FGFR2: variants seen among roughly 807,000 people sequenced by gnomAD.
FGFR2 encodes the protein fibroblast growth factor receptor 2, also known as BEK fibroblast growth factor receptor.
In FGFR2, 19 loss-of-function variants were observed where a neutral mutation model predicts 95.9. That is an observed-to-expected ratio of 0.20 (90% confidence interval 0.14 to 0.29). The LOEUF (loss-of-function observed/expected upper bound fraction) is 0.29, where lower values mean the gene tolerates loss of function less well. Among genes scored for constraint, FGFR2 ranks in the 10% least tolerant of loss-of-function variants. The pLI, the probability that FGFR2 is intolerant of heterozygous loss-of-function variation, is 1.00. For synonymous variants in FGFR2, 392 were observed against 393.3 expected, an observed-to-expected ratio of 1.00 and a Z score of 0.04; for missense variants, 707 against 1,056.9, an observed-to-expected ratio of 0.67 and a Z score of 4.59.
At chr10:121,569,533 T>A (rs58433090) in intron 2 of FGFR2, among the ~76,000 whole-genome samples, 2,649 of 152,314 alleles carry the variant, frequency 0.017, 70 homozygotes, top group African/African-American at 0.061. Flanking sequence ...ACACTTGGAT[T>A]GCTATCTCCA....
chr10:121,503,868 G>A lies in FGFR2; in HGVS notation c.1361C>T (p.Thr454Met), dbSNP rs148672240. Reference protein sequence around the residue: ...LVRITTRLSSTADTPMLAGVS... With the variant: ...LVRITTRLSSMADTPMLAGVS... ...CCCTGCCAGCATGGGGGTGTCTGCCGTTGAAGAGAGGCGTGTTGTTATCCT... is the reference window on the plus strand; with the variant it reads ...CCCTGCCAGCATGGGGGTGTCTGCCATTGAAGAGAGGCGTGTTGTTATCCT... Residue 454 changes from threonine to methionine, a missense_variant, in exon 10 of 18, where the codon ACG becomes ATG. This residue lies in a region of FGFR2 where 194 missense variants were observed against 267.3 expected (regional missense o/e 0.73). Coordinates refer to ENST00000358487, the MANE Select transcript of FGFR2 (RefSeq NM_000141.5). 71 of 1,614,098 alleles carry A rather than the reference G, an allele frequency of 4.4e-5. No individual in the cohort carries two copies. Among genetic ancestry groups the A allele is most frequent in the African/African-American group, 3.9e-4 (29 of 75,030 alleles).
rs1306109318 is a variant in FGFR2 at position 121,586,574 on chromosome 10, G to A, written c.109+7135C>T. On this transcript the variant is annotated intron_variant, in intron 2 of 17. Transcript: ENST00000358487. ...GAATTACTTACAGTATTCCAAAGTG[G>A]AGTAAATTACACATTCAGCATCTGA... is the stretch of plus-strand genomic sequence containing the variant. Among the ~76,000 whole-genome samples, 3 of 152,320 alleles carry A rather than the reference G, an allele frequency of 2.0e-5. No homozygotes were observed. In the East Asian group the frequency reaches 5.8e-4, roughly 29 times the overall value.
At chr10:121,494,673 TG>T (rs1461017922) in intron 13 of FGFR2, among the ~76,000 whole-genome samples, 1 of 152,162 alleles carries the variant, frequency 6.6e-6, no homozygotes, top group Non-Finnish European at 1.5e-5. Flanking sequence ...AATCACTTGC[TG>T]TCTCCATGTC....
At chr10:121,589,197 C>T (rs752973423) in intron 2 of FGFR2, among the ~76,000 whole-genome samples, 2 of 152,202 alleles carry the variant, frequency 1.3e-5, no homozygotes, top group Non-Finnish European at 2.9e-5. Flanking sequence ...CCTTTAATGA[C>T]TAAAATTCGC....
At chr10:121,494,397 G>A (rs1846509590) in intron 13 of FGFR2, among the ~76,000 whole-genome samples, 1 of 152,130 alleles carries the variant, frequency 6.6e-6, no homozygotes, top group African/African-American at 2.4e-5. Flanking sequence ...TGCTCTAGGA[G>A]TAGATGTTGA....
At chr10:121,550,811 C>T (rs41302331) in intron 5 of FGFR2, among the ~76,000 whole-genome samples, 10 of 151,962 alleles carry the variant, frequency 6.6e-5, no homozygotes, top group Non-Finnish European at 1.2e-4. Context: ...CACGCAAGTC[C>T]GGGGTAATAT....
chr10:121,517,121 T>C lies in FGFR2; in HGVS notation c.1084+198A>G, dbSNP rs891579882. On this transcript the variant is annotated intron_variant, in intron 8 of 17. Coordinates refer to ENST00000358487, the MANE Select transcript of FGFR2 (RefSeq NM_000141.5). The surrounding 1 kb of genome is among the most constrained non-coding windows in gnomAD (Gnocchi z 4.7). The stretch of plus-strand genomic sequence containing the variant: ...GTTTTAAGGGTGAAATTTCCCTTGA[T>C]CATAAATGTGAGTGTGGGATCTCAC... 3 of 658,184 alleles carry C rather than the reference T, an allele frequency of 4.6e-6. No individual in the cohort carries two copies. In the Admixed American group the frequency reaches 7.5e-5, roughly 17 times the overall value. 40.8% of individuals were successfully genotyped at this position (658,184 alleles called of 1,614,324 possible). A position where few individuals can be genotyped will look rare whatever the true frequency, so the allele number is the denominator to read the frequency against.
At chr10:121,510,375 A>G (rs1405552472) in intron 9 of FGFR2, among the ~76,000 whole-genome samples, 1 of 152,158 alleles carries the variant, frequency 6.6e-6, no homozygotes, top group Non-Finnish European at 1.5e-5. Flanking sequence ...GAGAAAAGGG[A>G]GCAGCGAAAT....
At chr10:121,489,613 G>A (rs1302667754) in intron 13 of FGFR2, among the ~76,000 whole-genome samples, 2 of 152,148 alleles carry the variant, frequency 1.3e-5, no homozygotes, top group African/African-American at 4.8e-5. Flanking sequence ...ATTTTCAACT[G>A]TCTATGGGAC....
intron 17 of FGFR2, chr10:121,480,397 C>A (rs754576555): frequency 5.6e-6 from 2 of 354,360 alleles, no homozygotes; most frequent in Non-Finnish European, 1.1e-5. Context: ...CTAAATAACC[C>A]GCTGAGTCTA....
At chr10:121,493,472 G>A (rs763882331) in intron 13 of FGFR2, among the ~76,000 whole-genome samples, 1 of 152,102 alleles carries the variant, frequency 6.6e-6, no homozygotes, top group African/African-American at 2.4e-5. Flanking sequence ...TCTGAGCGCC[G>A]AGGCTCTACT....
At chr10:121,564,423 C>A in intron 4 of FGFR2, 79 bp downstream of exon 4, 1 of 1,327,542 alleles carries the variant, frequency 7.5e-7, no homozygotes, top group Non-Finnish European at 1.1e-6. Flanking sequence ...GCAGAAGAGT[C>A]GACAAGAAGA....
At chr10:121,508,903 C>A (rs1016791591) in intron 9 of FGFR2, among the ~76,000 whole-genome samples, 1 of 152,210 alleles carries the variant, frequency 6.6e-6, no homozygotes, top group Non-Finnish European at 1.5e-5. Flanking sequence ...ATACGGCTGG[C>A]TTTCTCTTCA....
rs1191257138 is a variant in FGFR2, at chr10:121,524,099, TATACACACACACACACACACACACAC to T, written c.749-3956_749-3931del. On this transcript the variant is annotated intron_variant, in intron 6 of 17. Coordinates refer to ENST00000358487, the MANE Select transcript of FGFR2 (RefSeq NM_000141.5). ...TTATTCCAATGCTATCCCGGCTATG[TATACACACACACACACACACACACAC>T]ACACACACACACACACACACACCCC... Among the ~76,000 whole-genome samples the T allele has an allele frequency of 7.2e-4, 99 of 137,288 alleles. 1 individual carries two copies. The South Asian group carries it at 0.022, about 31-fold the overall frequency. The allele number at this position is 137,288 out of a possible 152,430, so 90.1% of individuals were successfully genotyped here.
intron 4 of FGFR2, among the ~76,000 whole-genome samples, chr10:121,553,636 A>T (rs1205113490): frequency 6.6e-6 from 1 of 152,250 alleles, no homozygotes; most frequent in Non-Finnish European, 1.5e-5. Context: ...TCATTTGTTT[A>T]AGTAAACACA....
At chr10:121,581,799 G>A (rs1860949800) in intron 2 of FGFR2, among the ~76,000 whole-genome samples, 1 of 145,690 alleles carries the variant, frequency 6.9e-6, no homozygotes, top group South Asian at 2.2e-4. Flanking sequence ...AGCAGCAGCA[G>A]CAGCTTCATA....
At position 121,524,142 on chromosome 10, in the gene FGFR2, A is replaced by ACCC. The variant is rs904480348; in HGVS notation, c.749-3974_749-3973insGGG. ...CACACACACACACACACACACACAC[A>ACCC]CACACCCCAAGTTTGCAATGGTTTA... On this transcript the variant is annotated intron_variant, in intron 6 of 17. Transcript: ENST00000358487. 6.6e-4 allele frequency among the ~76,000 whole-genome samples: 83 copies of ACCC among 125,946 alleles called. 1 individual carries two copies. The highest frequency in any genetic ancestry group is 1.4e-3 in the African/African-American group (51 of 35,884). The allele number at this position is 125,946 out of a possible 152,430, so 82.6% of individuals were successfully genotyped here. A position where few individuals can be genotyped will look rare whatever the true frequency, so the allele number is the denominator to read the frequency against.
intron 6 of FGFR2, among the ~76,000 whole-genome samples, chr10:121,537,739 CAGG>C (rs1853067487): frequency 1.3e-5 from 2 of 152,014 alleles, no homozygotes. Context: ...CTCAAGGTGG[CAGG>C]TTGAAAGTCA....
At position 121,593,860 on chromosome 10, in the gene FGFR2, G is replaced by T; in HGVS notation, c.-43C>A. 6.4e-7 allele frequency: 1 copy of T among 1,559,662 alleles called. No homozygotes were observed. The highest frequency in any genetic ancestry group is 8.8e-7 in the Non-Finnish European group (1 of 1,130,422). The stretch of plus-strand genomic sequence containing the variant: ...CCGGTCCTCTTCCATATCTCCATGT[G>T]GACGTTAATCCCATCTGCACACTTC... On this transcript the variant is annotated 5_prime_UTR_variant, in exon 2 of 18. Transcript: ENST00000358487.
Sources: gnomAD v4.1 joint callset for allele counts (sites outside exome capture counted in the v4.1 genomes callset) on GRCh38, gnomAD v4.1.1 for gene constraint, gnomAD v4.1.1 regional missense constraint, Gnocchi (gnomAD v3.1) non-coding constraint, MANE v1.5 for transcripts, NCBI Gene and HGNC (gene_info 2026-07-23, HGNC 2026-07-21) for gene names.